Variants in ZFHX4 observed in about 807,000 individuals in gnomAD.
ZFHX4 encodes zinc finger homeobox protein 4.
A neutral mutation model predicts 267.6 loss-of-function variants in ZFHX4; 56 were observed. The ratio of observed to expected loss-of-function variants is 0.21; its 90% CI spans 0.17 to 0.26. The LOEUF (loss-of-function observed/expected upper bound fraction) is 0.26. Ranked by LOEUF, ZFHX4 falls within the 10% of genes least tolerant of loss-of-function variation. ZFHX4 has a pLI of 1.00. For missense variants in ZFHX4, 4,332 were observed against 4,420.0 expected (o/e 0.98, Z 0.56); for synonymous variants, 1,778 against 1,665.6 (o/e 1.07, Z -1.64).
intron 3 of ZFHX4, chr8:76,733,242 A>G (rs997343486): frequency 6.6e-6 from 1 of 152,230 alleles, no homozygotes; most frequent in African/African-American, 2.4e-5. Flanking sequence ...GCTCTTTGAA[A>G]ATAAACTATC....
chr8:76,706,258 C>G lies in ZFHX4; in HGVS notation c.2170C>G (p.Leu724Val). 6.2e-7 allele frequency: 1 copy of G among 1,614,116 alleles called. No individual in the cohort carries two copies. The highest frequency in any genetic ancestry group is 8.5e-7 in the Non-Finnish European group (1 of 1,180,018). The stretch of plus-strand genomic sequence containing the variant: ...TATTCATATGCAGTCGGACAAGCAC[C>G]TGAACAATGTTCAGAATCTCCAAAA... ...LSIHMQSDKHLNNVQNLQNGN... is the reference protein window; with the variant it reads ...LSIHMQSDKHVNNVQNLQNGN... The change falls in exon 2 of 11, where the codon CTG (leucine) becomes GTG (valine). Residue 724 changes from leucine (L) to valine (V), a missense_variant. Transcript: ENST00000651372.
In ZFHX4 at chr8:76,865,916, T is replaced by C. The variant is rs2131989661; in HGVS notation, c.*1351T>C. ...ATATATGCATTAAAAGTATTATCTT[T>C]ATCAACATTTGCTGCTACTGTGTTA... On this transcript the variant is annotated 3_prime_UTR_variant, in exon 11 of 11. Transcript: ENST00000651372. 6.5e-6 allele frequency: 1 copy of C among 152,750 alleles called. No homozygotes were observed. The highest frequency in any genetic ancestry group is 2.1e-4 in the South Asian group (1 of 4,828). 9.5% of individuals were successfully genotyped at this position (152,750 alleles called of 1,614,324 possible).
chr8:76,835,219 GTATATATATATA>G (rs773901442), intron 5 of ZFHX4, among the ~76,000 whole-genome samples: 5 of 76,112 alleles, frequency 6.6e-5, no homozygotes, highest in Admixed American at 6.5e-4. Context: ...GTATATATAT[GTATATATATATA>G]TATATATATG....
intron 4 of ZFHX4, among the ~76,000 whole-genome samples, chr8:76,801,472 GTAA>G (rs1339185098): frequency 6.6e-6 from 1 of 152,270 alleles, no homozygotes; most frequent in Admixed American, 6.5e-5. Flanking sequence ...CGTCCACAGA[GTAA>G]TGCATCATTC....
chr8:76,711,575 T>C (rs1808425373), intron 3 of ZFHX4, among the ~76,000 whole-genome samples: 1 of 152,190 alleles, frequency 6.6e-6, no homozygotes. Context: ...CTTTACAAAT[T>C]TTAGTCAGTT....
intron 3 of ZFHX4, among the ~76,000 whole-genome samples, chr8:76,764,750 C>A (rs145213205): frequency 2.0e-5 from 3 of 152,166 alleles, no homozygotes; most frequent in Non-Finnish European, 4.4e-5. Context: ...GTTAGTTTCA[C>A]GTTGCCATTC....
chr8:76,747,680 C>T (rs1809496112), intron 3 of ZFHX4, among the ~76,000 whole-genome samples: 1 of 152,034 alleles, frequency 6.6e-6, no homozygotes, highest in Admixed American at 6.6e-5. Flanking sequence ...GCCTGTAATC[C>T]CAGCACTTTG....
rs1813000963 is a variant in ZFHX4 at position 76,865,398 on chromosome 8, T to A, written c.*833T>A. On this transcript the variant is annotated 3_prime_UTR_variant, in exon 11 of 11. Coordinates refer to ENST00000651372, the MANE Select transcript of ZFHX4 (RefSeq NM_024721.5). ...CTGAGGATTATGTGAACAGGACATT[T>A]TTCATTTGTGAATTTAATGCTATAC... is the stretch of plus-strand genomic sequence containing the variant. 1 of 152,616 alleles carries A rather than the reference T, an allele frequency of 6.6e-6. No homozygotes were observed. The allele number at this position is 152,616 out of a possible 1,614,324, so 9.5% of individuals were successfully genotyped here.
intron 4 of ZFHX4, among the ~76,000 whole-genome samples, chr8:76,788,726 T>C (rs780257569): frequency 2.0e-5 from 3 of 152,230 alleles, no homozygotes; most frequent in Non-Finnish European, 4.4e-5. Flanking sequence ...ATCTATACAA[T>C]ATCAAACCAA....
At chr8:76,826,448 C>T (rs567763640) in intron 4 of ZFHX4, among the ~76,000 whole-genome samples, 1 of 152,256 alleles carries the variant, frequency 6.6e-6, no homozygotes, top group East Asian at 1.9e-4. Flanking sequence ...TGCTGGATAA[C>T]TATTTTTTTC....
At chr8:76,856,380 C>G in intron 10 of ZFHX4, 80 bp downstream of exon 10, 1 of 1,501,708 alleles carries the variant, frequency 6.7e-7, no homozygotes. Flanking sequence ...GAACGGGGTG[C>G]CTTTGGATTT....
chr8:76,709,733 C>T (rs1247714866), intron 3 of ZFHX4, among the ~76,000 whole-genome samples: 1 of 151,472 alleles, frequency 6.6e-6, no homozygotes, highest in Non-Finnish European at 1.5e-5. Context: ...TTTATTTTTT[C>T]AGAAAACATT....
intron 4 of ZFHX4, among the ~76,000 whole-genome samples, chr8:76,795,588 C>G (rs1191537576): frequency 6.7e-6 from 1 of 148,448 alleles, no homozygotes; most frequent in Non-Finnish European, 1.5e-5. Flanking sequence ...CTCTTATTGC[C>G]CAGGCTGGAG....
chr8:76,844,390 GTA>G (rs1248971653), intron 6 of ZFHX4, among the ~76,000 whole-genome samples: 2 of 152,066 alleles, frequency 1.3e-5, no homozygotes, highest in African/African-American at 4.8e-5. Context: ...TAATCCCGAG[GTA>G]TATGACATTA....
chr8:76,724,357 T>G (rs1563485646), intron 3 of ZFHX4, among the ~76,000 whole-genome samples: 1 of 152,036 alleles, frequency 6.6e-6, no homozygotes, highest in East Asian at 1.9e-4. Context: ...CTCTTCTCTG[T>G]GAGTCTTCTC....
At chr8:76,685,833 T>C (rs1291198567) in intron 1 of ZFHX4, among the ~76,000 whole-genome samples, 2 of 152,234 alleles carry the variant, frequency 1.3e-5, no homozygotes, top group South Asian at 2.1e-4. Flanking sequence ...ATTGTTGTTA[T>C]AGCTATCATT....
rs1005607108 is a variant in ZFHX4 at position 76,776,678 on chromosome 8, C to G, written c.3094-1530C>G. Among the ~76,000 whole-genome samples the G allele has an allele frequency of 2.6e-5, 4 of 152,182 alleles. No individual in the cohort carries two copies. In the East Asian group the frequency reaches 7.7e-4, roughly 29 times the overall value. On this transcript the variant is annotated intron_variant, in intron 3 of 10. Transcript: ENST00000651372. The stretch of plus-strand genomic sequence containing the variant: ...TGTTTTTGCAGGTGAAGAGCCATAA[C>G]TTACATGAGCTACGCTGCACTTCTA...
At chr8:76,833,519 T>C (rs568798383) in intron 5 of ZFHX4, 113 bp downstream of exon 5, 2 of 738,114 alleles carry the variant, frequency 2.7e-6, no homozygotes, top group African/African-American at 1.8e-5. Flanking sequence ...TTAGATCTGA[T>C]CATATGCCTT....
At chr8:76,718,464 C>A (rs1808635017) in intron 3 of ZFHX4, among the ~76,000 whole-genome samples, 2 of 152,042 alleles carry the variant, frequency 1.3e-5, no homozygotes, top group African/African-American at 4.8e-5. Context: ...ATTTAAAAAA[C>A]CCGCACATTT....
Sources: allele counts gnomAD v4.1 joint callset (sites outside exome capture counted in the v4.1 genomes callset), GRCh38; gene constraint gnomAD v4.1.1; transcripts MANE v1.5; gene names NCBI Gene and HGNC (gene_info 2026-07-23, HGNC 2026-07-21).